Variants in SLC25A3 observed in about 807,000 individuals in gnomAD.
The protein encoded by SLC25A3 is phosphate transport protein.
In SLC25A3, 14 loss-of-function variants were observed where a neutral mutation model predicts 37.1. That is an observed-to-expected ratio of 0.38 (90% confidence interval 0.25 to 0.59). SLC25A3 has a LOEUF of 0.59. SLC25A3 is among the 20% of genes least tolerant of loss of function. SLC25A3 has a pLI of 0.67. For missense variants in SLC25A3, 385 were observed against 458.1 expected, an observed-to-expected ratio of 0.84 and a Z score of 1.46; for synonymous variants, 161 against 168.7, an observed-to-expected ratio of 0.95 and a Z score of 0.36.
chr12:98,594,615 T>C, intron 2 of SLC25A3: 1 of 501,874 alleles, frequency 2.0e-6, no homozygotes. Flanking sequence ...GATAACTAGA[T>C]GTCCTGTTTT....
rs377617675 is a variant in SLC25A3, at chr12:98,598,601, C to T, written c.539C>T (p.Ala180Val). Residue 180 changes from alanine to valine, a missense_variant, in exon 5 of 8, where the codon GCT becomes GTT. Coordinates refer to ENST00000552981, the MANE Select transcript of SLC25A3 (RefSeq NM_002635.4). The stretch of plus-strand genomic sequence containing the variant: ...GAATTCTTTGCTGACATTGCCCTGG[C>T]TCCTATGGAAGCTGCTAAGGTTCGA... The part of the protein sequence containing the change: ...SAEFFADIAL[A>V]PMEAAKVRIQ... 2.4e-5 allele frequency: 38 copies of T among 1,613,912 alleles called. No individual in the cohort carries two copies. The Admixed American group carries it at 2.7e-4, about 11-fold the overall frequency.
Position 98,601,770 on chromosome 12 carries a change from A to G in SLC25A3, c.*242A>G, listed in dbSNP as rs900314031. 4.0e-6 allele frequency: 2 copies of G among 501,140 alleles called. No homozygotes were observed. Among genetic ancestry groups the G allele is most frequent in the African/African-American group, 3.9e-5 (2 of 51,820 alleles). The allele number at this position is 501,140 out of a possible 1,614,324, so 31.0% of individuals were successfully genotyped here. A position where few individuals can be genotyped will look rare whatever the true frequency, so the allele number is the denominator to read the frequency against. On this transcript the variant is annotated 3_prime_UTR_variant, in exon 8 of 8. Transcript: ENST00000552981. ...AGATTTAGCTTTAAAATAGTTGGAA[A>G]GAATGAAGTATATAAGTTAAGGAAA... is the stretch of plus-strand genomic sequence containing the variant.
intron 5 of SLC25A3, among the ~76,000 whole-genome samples, chr12:98,599,051 G>A (rs1355952761): frequency 5.4e-5 from 8 of 149,432 alleles, no homozygotes; most frequent in Non-Finnish European, 8.9e-5. Flanking sequence ...GTGAGCCACC[G>A]CACCCGGCTT....
chr12:98,593,933 G>T (rs910077088), intron 1 of SLC25A3, 42 bp from the exon 2 acceptor site: 3 of 1,612,490 alleles, frequency 1.9e-6, no homozygotes, highest in African/African-American at 2.7e-5. Flanking sequence ...ACGTTAACCG[G>T]CGCCTTGCCT....
At chr12:98,598,871 G>A (rs527898339) in intron 5 of SLC25A3, among the ~76,000 whole-genome samples, 168 bp downstream of exon 5, 1 of 151,946 alleles carries the variant, frequency 6.6e-6, no homozygotes, top group South Asian at 2.1e-4. Flanking sequence ...CGCCTCCCGG[G>A]TTCACGCCAT....
rs1328563877 is a variant in SLC25A3 at position 98,594,007 on chromosome 12, G to A, written c.29G>A (p.Arg10Gln). MFSSVAHLA[R>Q]ANPFNTPHLQ... ...TTCTCGTCCGTGGCGCACCTGGCGC[G>A]GGCGAACCCCTTCAACACGCCACAT... Residue 10 changes from arginine to glutamine, a missense_variant, in exon 2 of 8, where the codon CGG (arginine) becomes CAG (glutamine). Arg to Gln is a conservative substitution (Grantham distance 43, BLOSUM62 1). Around this residue, in one of 2 missense-constraint regions of SLC25A3, gnomAD observed 109 missense variants for 90.5 expected, o/e 1.20. Coordinates refer to ENST00000552981, the MANE Select transcript of SLC25A3 (RefSeq NM_002635.4). 2 of 1,613,736 alleles carry A rather than the reference G, an allele frequency of 1.2e-6. No individual in the cohort carries two copies. Among genetic ancestry groups the A allele is most frequent in the Non-Finnish European group, 1.7e-6 (2 of 1,179,876 alleles).
intron 3 of SLC25A3, 129 bp downstream of exon 3, chr12:98,595,977 A>G: frequency 2.4e-6 from 2 of 845,534 alleles, no homozygotes; most frequent in South Asian, 1.4e-5. Context: ...GAATTTCTTT[A>G]AATTGTGGGC....
chr12:98,597,352 G>A (rs899623654), intron 3 of SLC25A3, among the ~76,000 whole-genome samples: 19 of 151,916 alleles, frequency 1.3e-4, no homozygotes, highest in African/African-American at 4.3e-4. Flanking sequence ...TCAGATGTCA[G>A]TTGACCTTGG....
chr12:98,598,241 T>C lies in SLC25A3; in HGVS notation c.459+206T>C, dbSNP rs1028087902. ...TTACAATTCTCCTTTTAATATACTA[T>C]CTTGTTTTCTAAGTAAGTTGGATTT... On this transcript the variant is annotated intron_variant, in intron 4 of 7. Coordinates refer to ENST00000552981, the MANE Select transcript of SLC25A3 (RefSeq NM_002635.4). 7.7e-5 allele frequency: 52 copies of C among 676,310 alleles called. No homozygotes were observed. In the African/African-American group the frequency reaches 8.2e-4, roughly 11 times the overall value. The allele number at this position is 676,310 out of a possible 1,614,324, so 41.9% of individuals were successfully genotyped here.
At chr12:98,595,537 C>G (rs201917299) in intron 2 of SLC25A3, 190 bp from the exon 3 acceptor site, 2 of 1,614,118 alleles carry the variant, frequency 1.2e-6, no homozygotes, top group African/African-American at 1.3e-5. Flanking sequence ...TCCTCTAGAT[C>G]TGGTTAAATG....
In SLC25A3 at chr12:98,593,984, C is replaced by G. The variant is rs778865084; in HGVS notation, c.6C>G (p.Phe2Leu). ...CTCCCTCCTCCCCTAGAAAGATGTT[C>G]TCGTCCGTGGCGCACCTGGCGCGGG... The part of the protein sequence containing the change: M[F>L]SSVAHLARAN... Residue 2 changes from phenylalanine (F) to leucine (L), a missense_variant, in exon 2 of 8, where the codon TTC (phenylalanine) becomes TTG (leucine). By Grantham distance (22) the Phe-to-Leu change is conservative (BLOSUM62 0). Transcript: ENST00000552981. The G allele has an allele frequency of 5.0e-6, 8 of 1,613,824 alleles. No individual in the cohort carries two copies. Among genetic ancestry groups the G allele is most frequent in the Admixed American group, 1.7e-5 (1 of 60,010 alleles).
rs1328913463 is a variant in SLC25A3 at position 98,604,509 on chromosome 12, TTC to T, written c.*2982_*2983del. The T allele has an allele frequency of 1.3e-5, 2 of 151,812 alleles. No individual in the cohort carries two copies. Among genetic ancestry groups the T allele is most frequent in the Non-Finnish European group, 2.9e-5 (2 of 67,938 alleles). The allele number at this position is 151,812 out of a possible 1,614,324, so 9.4% of individuals were successfully genotyped here. ...GAAATGTTTTGACTTTTTTTTTTTTTTCCCTAGAGAACAGGGTTCTTGCTTTG... is the reference window on the plus strand; with the variant it reads ...GAAATGTTTTGACTTTTTTTTTTTTTCCTAGAGAACAGGGTTCTTGCTTTG... On this transcript the variant is annotated 3_prime_UTR_variant, in exon 8 of 8. Transcript: ENST00000552981.
intron 3 of SLC25A3, chr12:98,597,586 T>TC (rs2097594055): frequency 7.7e-6 from 3 of 391,656 alleles, no homozygotes; most frequent in African/African-American, 2.1e-5. Context: ...ACCATGCCCG[T>TC]CCAATTTTTT....
Position 98,605,408 on chromosome 12 carries a change from CAAAA to C in SLC25A3, c.*3886_*3889del, listed in dbSNP as rs542319800. The C allele has an allele frequency of 7.0e-6, 1 of 143,392 alleles. No individual in the cohort carries two copies. The highest frequency in any genetic ancestry group is 2.6e-5 in the African/African-American group (1 of 38,734). The allele number at this position is 143,392 out of a possible 1,614,324, so 8.9% of individuals were successfully genotyped here. On this transcript the variant is annotated 3_prime_UTR_variant, in exon 8 of 8. Coordinates refer to ENST00000552981, the MANE Select transcript of SLC25A3 (RefSeq NM_002635.4). ...TGGGCGACAGAGTGAAACCCTGTCTCAAAAAAAAAGTAACATTTCTATATGATTT... is the reference window on the plus strand; with the variant it reads ...TGGGCGACAGAGTGAAACCCTGTCTCAAAAAGTAACATTTCTATATGATTT...
In SLC25A3 at chr12:98,594,857, A is replaced by AT. The variant is rs544399580; in HGVS notation, c.157+729dup. 359 of 177,116 alleles carry AT rather than the reference A, an allele frequency of 2.0e-3. 1 individual carries two copies. Among genetic ancestry groups the AT allele is most frequent in the Non-Finnish European group, 3.4e-3 (282 of 82,336 alleles). The allele number at this position is 177,116 out of a possible 1,614,324, so 11.0% of individuals were successfully genotyped here. The stretch of plus-strand genomic sequence containing the variant: ...TACCTTGTGCCTGTAAAATCGAAAG[A>AT]TTTTTTTCTTTAAATCATTCATGTG... On this transcript the variant is annotated intron_variant, in intron 2 of 7. Transcript: ENST00000552981.
At chr12:98,594,802 C>A (rs1034227369) in intron 2 of SLC25A3, 3 of 188,062 alleles carry the variant, frequency 1.6e-5, no homozygotes, top group African/African-American at 7.2e-5. Context: ...AACCTGAAAA[C>A]CGAATTGTAG....
At chr12:98,596,069 T>C (rs1427092453) in intron 3 of SLC25A3, among the ~76,000 whole-genome samples, 1 of 152,224 alleles carries the variant, frequency 6.6e-6, no homozygotes, top group Non-Finnish European at 1.5e-5. Flanking sequence ...TGGCTGTAAA[T>C]GGCTCTTTGC....
Position 98,594,146 on chromosome 12 carries a change from A to T in SLC25A3, c.157+11A>T. The T allele has an allele frequency of 6.2e-7, 1 of 1,603,376 alleles. No homozygotes were observed. Among genetic ancestry groups the T allele is most frequent in the Middle Eastern group, 1.7e-4 (1 of 6,042 alleles). The stretch of plus-strand genomic sequence containing the variant: ...CCGCCGCCGTGGAAGGTGAGATCAG[A>T]CCCTGCCCAATACAGTCGTGTGGTC... On this transcript the variant is annotated intron_variant, in intron 2 of 7. Transcript: ENST00000552981.
chr12:98,597,540 C>T (rs554591898), intron 3 of SLC25A3: 49 of 342,174 alleles, frequency 1.4e-4, no homozygotes, highest in Non-Finnish European at 2.4e-4. Context: ...GTCTCACCCT[C>T]ACCCTCCCGA....
Sources: gnomAD v4.1 joint callset for allele counts (sites outside exome capture counted in the v4.1 genomes callset) on GRCh38, gnomAD v4.1.1 for gene constraint, gnomAD v4.1.1 regional missense constraint, MANE v1.5 for transcripts, NCBI Gene and HGNC (gene_info 2026-07-23, HGNC 2026-07-21) for gene names.